The following ANO3 variants were observed in gnomAD, a reference collection of about 807,000 sequenced individuals.
ANO3 encodes the protein anoctamin-3.
Under a neutral mutation model 144.8 loss-of-function variants are expected in ANO3, and 99 were observed. The observed-to-expected ratio is 0.68, with a 90% CI of 0.58 to 0.81. The LOEUF (loss-of-function observed/expected upper bound fraction) is 0.81, where lower values mean the gene tolerates loss of function less well. ANO3 is among the 30% of genes least tolerant of loss of function. ANO3 has a pLI of 0.00. For missense variants in ANO3, 905 were observed against 1,202.2 expected, an observed-to-expected ratio of 0.75 and a Z score of 3.66; for synonymous variants, 414 against 392.6, an observed-to-expected ratio of 1.05 and a Z score of -0.64.
intron 12 of ANO3, 125 bp from the exon 13 acceptor site, chr11:26,553,124 C>T (rs1466224739): frequency 1.4e-6 from 1 of 715,424 alleles, no homozygotes; most frequent in Non-Finnish European, 2.4e-6. Context: ...CCACTATTCC[C>T]ATTTCTTCTC....
intron 4 of ANO3, among the ~76,000 whole-genome samples, chr11:26,464,353 C>T (rs981052827): frequency 2.6e-5 from 4 of 151,772 alleles, no homozygotes; most frequent in Non-Finnish European, 5.9e-5. Flanking sequence ...TTTAGAGTCT[C>T]TACTATCTGT....
chr11:26,555,631 A>G (rs1190147239), intron 13 of ANO3, among the ~76,000 whole-genome samples: 5 of 152,216 alleles, frequency 3.3e-5, no homozygotes, highest in Admixed American at 6.5e-5. Context: ...ATGGAAGAAT[A>G]CAAGAAATAC....
chr11:26,230,232 C>T (rs1852361908), intron 1 of ANO3, among the ~76,000 whole-genome samples: 1 of 152,020 alleles, frequency 6.6e-6, no homozygotes, highest in South Asian at 2.1e-4. Flanking sequence ...AGGAAATGGA[C>T]ATGAAATAGG....
At chr11:26,243,397 A>T (rs1590212380) in intron 1 of ANO3, among the ~76,000 whole-genome samples, 1 of 151,424 alleles carries the variant, frequency 6.6e-6, no homozygotes, top group South Asian at 2.1e-4. Context: ...AGAAGCTTTG[A>T]TGTGTATACG....
At chr11:26,401,347 C>A (rs1203265730) in intron 1 of ANO3, among the ~76,000 whole-genome samples, 2 of 151,988 alleles carry the variant, frequency 1.3e-5, no homozygotes, top group Non-Finnish European at 2.9e-5. Flanking sequence ...CTGTCATGAC[C>A]TTACATGAGA....
intron 17 of ANO3, among the ~76,000 whole-genome samples, chr11:26,612,780 G>T (rs1580669): frequency 0.44 from 67,028 of 151,536 alleles, 15,678 homozygotes; most frequent in East Asian, 0.68. Flanking sequence ...TATTATTGCC[G>T]GACAGATTTT....
chr11:26,286,461 T>A (rs1469217813), intron 1 of ANO3, among the ~76,000 whole-genome samples: 1 of 152,226 alleles, frequency 6.6e-6, no homozygotes, highest in African/African-American at 2.4e-5. Flanking sequence ...CAGGCATTCA[T>A]CATTTTTTAA....
intron 1 of ANO3, among the ~76,000 whole-genome samples, 167 bp from the exon 2 acceptor site, chr11:26,441,751 C>T (rs1227929755): frequency 6.6e-6 from 1 of 152,152 alleles, no homozygotes; most frequent in African/African-American, 2.4e-5. Flanking sequence ...AAATCTCAAA[C>T]ACTCTTCTTG....
chr11:26,640,170 G>C (rs1853102721), intron 21 of ANO3, among the ~76,000 whole-genome samples: 1 of 151,982 alleles, frequency 6.6e-6, no homozygotes, highest in African/African-American at 2.4e-5. Flanking sequence ...CCCAGACCTG[G>C]TTTAAATTCC....
intron 5 of ANO3, among the ~76,000 whole-genome samples, chr11:26,511,878 G>A (rs781504643): frequency 6.6e-6 from 1 of 152,086 alleles, no homozygotes. Context: ...GGTGGTGGGA[G>A]GAAGGAATAT....
chr11:26,516,777 T>C (rs1209819444), intron 5 of ANO3, 50 bp from the exon 6 acceptor site: 1 of 1,284,392 alleles, frequency 7.8e-7, no homozygotes. Context: ...TGGCATGATA[T>C]CATCAGCTCT....
In ANO3 at chr11:26,399,726, G is replaced by A. The variant is rs183848373; in HGVS notation, c.47-42192G>A. ...GGTTGAAGGTATAAGTCCCTCCCCT[G>A]CCCCTGCCCCCTTTCCTGCACCTCC... On this transcript the variant is annotated intron_variant, in intron 1 of 26. Coordinates refer to ENST00000256737, the MANE Select transcript of ANO3 (RefSeq NM_031418.4). Among the ~76,000 whole-genome samples the A allele has an allele frequency of 5.7e-3, 863 of 151,658 alleles. 6 individuals are homozygous for A. Among genetic ancestry groups the A allele is most frequent in the Non-Finnish European group, 8.9e-3 (603 of 67,874 alleles).
intron 1 of ANO3, among the ~76,000 whole-genome samples, chr11:26,371,549 A>G (rs1206769004): frequency 2.6e-5 from 4 of 152,280 alleles, no homozygotes; most frequent in East Asian, 1.9e-4. Context: ...AGCTTGCACC[A>G]TGCACCTGGA....
intron 1 of ANO3, among the ~76,000 whole-genome samples, chr11:26,195,110 G>A (rs1302110136): frequency 6.6e-6 from 1 of 152,136 alleles, no homozygotes; most frequent in Non-Finnish European, 1.5e-5. Context: ...TGTATGTGAG[G>A]CAATGGAAAG....
intron 14 of ANO3, chr11:26,572,226 C>A (rs763758122): frequency 4.1e-6 from 4 of 985,410 alleles, no homozygotes; most frequent in Non-Finnish European, 4.8e-6. Flanking sequence ...ACAGAGCGCC[C>A]AGGAACCTGA....
chr11:26,567,996 G>T (rs1850663112), intron 14 of ANO3, among the ~76,000 whole-genome samples: 1 of 152,108 alleles, frequency 6.6e-6, no homozygotes, highest in African/African-American at 2.4e-5. Flanking sequence ...AAACAGAATT[G>T]ATTGGGTGGA....
intron 1 of ANO3, among the ~76,000 whole-genome samples, chr11:26,225,495 G>A (rs984761025): frequency 2.0e-5 from 3 of 151,990 alleles, no homozygotes; most frequent in African/African-American, 7.2e-5. Flanking sequence ...TTAGCTTCAT[G>A]CTCTCTACTA....
intron 3 of ANO3, among the ~76,000 whole-genome samples, chr11:26,458,845 C>T (rs1429513732): frequency 2.6e-5 from 4 of 151,644 alleles, no homozygotes; most frequent in African/African-American, 4.8e-5. Flanking sequence ...ATTCAATGCC[C>T]GATGTTGATG....
chr11:26,470,070 T>C (rs1312496480), intron 4 of ANO3, among the ~76,000 whole-genome samples: 1 of 151,838 alleles, frequency 6.6e-6, no homozygotes, highest in African/African-American at 2.4e-5. Context: ...GCCCTTTGAT[T>C]AGTTCTAGGA....
Sources: allele counts gnomAD v4.1 joint callset (sites outside exome capture counted in the v4.1 genomes callset), GRCh38; gene constraint gnomAD v4.1.1; transcripts MANE v1.5; gene names NCBI Gene and HGNC (gene_info 2026-07-23, HGNC 2026-07-21).